Variants in INPP5A observed in about 807,000 individuals in gnomAD.
INPP5A encodes inositol polyphosphate-5-phosphatase A, also known as 43 kDa inositol polyphosphate 5-phophatase.
Under a neutral mutation model 65.2 loss-of-function variants are expected in INPP5A, and 14 were observed. The ratio of observed to expected loss-of-function variants is 0.21; its 90% CI spans 0.14 to 0.34. The LOEUF (loss-of-function observed/expected upper bound fraction) is 0.34. INPP5A is among the 10% of genes least tolerant of loss of function. The pLI is 1.00. For synonymous variants in INPP5A, 207 were observed against 208.3 expected (o/e 0.99, Z 0.05); for missense variants, 431 against 545.6 (o/e 0.79, Z 2.09).
At chr10:132,781,080 A>G (rs902798486) in intron 14 of INPP5A, among the ~76,000 whole-genome samples, 163 bp downstream of exon 14, 4 of 152,218 alleles carry the variant, frequency 2.6e-5, no homozygotes, top group African/African-American at 9.7e-5. Flanking sequence ...TAGTCTGACT[A>G]CAGAGTAGGC....
At chr10:132,566,844 CAA>C (rs2071280495) in intron 1 of INPP5A, among the ~76,000 whole-genome samples, 1 of 152,106 alleles carries the variant, frequency 6.6e-6, no homozygotes, top group Non-Finnish European at 1.5e-5. Flanking sequence ...AACAATTTAA[CAA>C]GAGAAAGAAT....
Position 132,751,597 on chromosome 10 carries a change from C to T in INPP5A, c.903+1752C>T, listed in dbSNP as rs191609960. Among the ~76,000 whole-genome samples, 317 of 152,228 alleles carry T rather than the reference C, an allele frequency of 2.1e-3. 3 individuals are homozygous for T. Among genetic ancestry groups the T allele is most frequent in the African/African-American group, 6.2e-3 (259 of 41,518 alleles). ...GGGAGCAGGGAGAGCCTGGGGAGCA[C>T]AGATGTCTGGGTGGAGGCAGGTGCC... is the stretch of plus-strand genomic sequence containing the variant. On this transcript the variant is annotated intron_variant, in intron 11 of 15. Coordinates refer to ENST00000368594, the MANE Select transcript of INPP5A (RefSeq NM_005539.5).
At chr10:132,622,224 A>G (rs1441232801) in intron 2 of INPP5A, among the ~76,000 whole-genome samples, 3 of 152,278 alleles carry the variant, frequency 2.0e-5, no homozygotes, top group South Asian at 4.1e-4. Flanking sequence ...TGAAAGAATC[A>G]GAGAAGATAT....
intron 2 of INPP5A, among the ~76,000 whole-genome samples, chr10:132,620,636 A>G (rs946210810): frequency 6.6e-6 from 1 of 152,228 alleles, no homozygotes; most frequent in African/African-American, 2.4e-5. Flanking sequence ...TTGAAATTTT[A>G]TATGAAAGAA....
chr10:132,779,072 G>T (rs1183025852), intron 13 of INPP5A, among the ~76,000 whole-genome samples: 2 of 152,246 alleles, frequency 1.3e-5, no homozygotes, highest in Non-Finnish European at 2.9e-5. Context: ...TGGAGGCGGG[G>T]CCCCTTGGCC....
chr10:132,671,034 C>T (rs936046701), intron 4 of INPP5A, among the ~76,000 whole-genome samples: 4 of 152,002 alleles, frequency 2.6e-5, no homozygotes, highest in East Asian at 1.9e-4. Flanking sequence ...TGTCTTTTCC[C>T]GTAAGGGTTG....
intron 1 of INPP5A, among the ~76,000 whole-genome samples, chr10:132,588,731 A>C (rs1397850607): frequency 6.6e-6 from 1 of 152,190 alleles, no homozygotes; most frequent in Non-Finnish European, 1.5e-5. Flanking sequence ...TTTGGAAGGA[A>C]ATGAGTTGAC....
Position 132,765,793 on chromosome 10 carries a change from G to A in INPP5A, c.924G>A (p.Glu308=). ...NGTALLEFDK[E]LSVFKDRLYE... Reference sequence around the variant, plus strand: ...TTTAGCTCTTGGAGTTTGACAAGGAGTTGTCTGTCTTTAAGGACAGACTGT... The same window carrying A: ...TTTAGCTCTTGGAGTTTGACAAGGAATTGTCTGTCTTTAAGGACAGACTGT... Residue 308 remains glutamate (E), a synonymous_variant, in exon 12 of 16, where the codon GAG becomes GAA. Coordinates refer to ENST00000368594, the MANE Select transcript of INPP5A (RefSeq NM_005539.5). The A allele has an allele frequency of 6.2e-7, 1 of 1,602,712 alleles. No homozygotes were observed.
At chr10:132,607,196 C>T (rs1025852378) in intron 1 of INPP5A, among the ~76,000 whole-genome samples, 3 of 152,184 alleles carry the variant, frequency 2.0e-5, no homozygotes, top group South Asian at 4.1e-4. Flanking sequence ...GCGACTGGGC[C>T]GTCCCTTCTC....
At chr10:132,606,193 G>A (rs1457344339) in intron 1 of INPP5A, among the ~76,000 whole-genome samples, 1 of 152,110 alleles carries the variant, frequency 6.6e-6, no homozygotes, top group Admixed American at 6.5e-5. Context: ...GCTGGTAGGA[G>A]CTGGGGCCAA....
At chr10:132,572,096 C>T (rs1172350784) in intron 1 of INPP5A, among the ~76,000 whole-genome samples, 6 of 152,202 alleles carry the variant, frequency 3.9e-5, no homozygotes, top group Admixed American at 3.9e-4. Context: ...TTTGACAGCT[C>T]ATGTCTGGCA....
At chr10:132,608,418 C>T (rs1037997227) in intron 2 of INPP5A, among the ~76,000 whole-genome samples, 1 of 152,232 alleles carries the variant, frequency 6.6e-6, no homozygotes, top group Admixed American at 6.5e-5. Context: ...CAGGCCGAGG[C>T]ACGGACCCCC....
intron 9 of INPP5A, among the ~76,000 whole-genome samples, chr10:132,743,487 G>T (rs1053504885): frequency 1.3e-5 from 2 of 152,238 alleles, no homozygotes; most frequent in African/African-American, 2.4e-5. Context: ...AGCCCCTTGC[G>T]CGAACCCTGG....
intron 2 of INPP5A, among the ~76,000 whole-genome samples, chr10:132,618,669 G>A (rs759826332): frequency 4.0e-5 from 6 of 151,892 alleles, no homozygotes; most frequent in Non-Finnish European, 8.8e-5. Context: ...CTCACGGTTC[G>A]CAGGATGTGC....
chr10:132,692,567 G>T (rs974294052), intron 5 of INPP5A, among the ~76,000 whole-genome samples: 1 of 152,332 alleles, frequency 6.6e-6, no homozygotes, highest in Admixed American at 6.5e-5. Context: ...TATAGGCGAG[G>T]TGATTCCTTA....
At chr10:132,777,601 A>C in intron 12 of INPP5A, 70 bp from the exon 13 acceptor site, 1 of 1,394,156 alleles carries the variant, frequency 7.2e-7, no homozygotes, top group Non-Finnish European at 1.0e-6. Flanking sequence ...GAGAATCGGC[A>C]CAGCCGTCCC....
chr10:132,666,646 C>G (rs2072808811), intron 4 of INPP5A, among the ~76,000 whole-genome samples: 4 of 152,166 alleles, frequency 2.6e-5, no homozygotes, highest in African/African-American at 7.2e-5. Context: ...GAAGGATGGC[C>G]CACACCGAGC....
intron 2 of INPP5A, among the ~76,000 whole-genome samples, chr10:132,638,670 T>A (rs1236723986): frequency 6.6e-6 from 1 of 152,196 alleles, no homozygotes; most frequent in Non-Finnish European, 1.5e-5. Flanking sequence ...TGGGCTTATG[T>A]GATTCTCCTG....
intron 1 of INPP5A, among the ~76,000 whole-genome samples, chr10:132,562,560 G>A (rs1172934942): frequency 6.6e-6 from 1 of 152,254 alleles, no homozygotes; most frequent in Non-Finnish European, 1.5e-5. Context: ...CGTTCTGGAT[G>A]TGGCTGCCGC....
Sources: allele counts gnomAD v4.1 joint callset (sites outside exome capture counted in the v4.1 genomes callset), GRCh38; gene constraint gnomAD v4.1.1; transcripts MANE v1.5; gene names NCBI Gene and HGNC (gene_info 2026-07-23, HGNC 2026-07-21).